NPAS3: variants seen among roughly 807,000 people sequenced by gnomAD.
NPAS3 encodes the protein neuronal PAS domain protein 3.
NPAS3 carries 14 observed loss-of-function variants against 73.1 expected under a neutral mutation model. That is an observed-to-expected ratio of 0.19 (90% CI 0.13 to 0.30). The LOEUF is 0.30. Among genes scored for constraint, NPAS3 ranks in the 10% least tolerant of loss-of-function variants. The pLI is 1.00. For synonymous variants in NPAS3, 620 were observed against 541.5 expected (o/e 1.14, Z -2.01); for missense variants, 1,096 against 1,250.0 (o/e 0.88, Z 1.86).
At chr14:33,419,483 A>G (rs761970241) in intron 4 of NPAS3, among the ~76,000 whole-genome samples, 49 of 151,986 alleles carry the variant, frequency 3.2e-4, no homozygotes, top group Middle Eastern at 3.4e-3. Flanking sequence ...ATCTTTATGT[A>G]GTTCTTCATG....
At chr14:33,294,809 G>A (rs1486147093) in intron 3 of NPAS3, among the ~76,000 whole-genome samples, 1 of 152,176 alleles carries the variant, frequency 6.6e-6, no homozygotes, top group Non-Finnish European at 1.5e-5. Context: ...GCCCAAACTG[G>A]AAAGTGAGGG....
At chr14:33,442,082 T>C (rs1272326372) in intron 4 of NPAS3, among the ~76,000 whole-genome samples, 1 of 152,234 alleles carries the variant, frequency 6.6e-6, no homozygotes, top group African/African-American at 2.4e-5. Context: ...GATTTCTCGA[T>C]GTACTACTTC....
At chr14:33,365,383 A>G (rs1298082654) in intron 3 of NPAS3, among the ~76,000 whole-genome samples, 1 of 152,148 alleles carries the variant, frequency 6.6e-6, no homozygotes, top group East Asian at 1.9e-4. Flanking sequence ...TAGGAAATTA[A>G]TCAGAAATGT....
intron 5 of NPAS3, among the ~76,000 whole-genome samples, chr14:33,618,921 A>G (rs930322390): frequency 1.3e-5 from 2 of 152,244 alleles, no homozygotes; most frequent in Non-Finnish European, 2.9e-5. Flanking sequence ...AAATGTAGAA[A>G]GAGAAGCAGT....
chr14:33,392,444 C>T (rs760841422), intron 4 of NPAS3, among the ~76,000 whole-genome samples: 24 of 152,188 alleles, frequency 1.6e-4, no homozygotes, highest in African/African-American at 4.8e-4. Context: ...CTAGGTCTGT[C>T]GGATGCCAGT....
intron 2 of NPAS3, among the ~76,000 whole-genome samples, chr14:33,056,812 A>G (rs534712626): frequency 9.8e-5 from 15 of 152,320 alleles, no homozygotes; most frequent in African/African-American, 3.6e-4. Context: ...ATTAACCTTT[A>G]ATTAAATTCT....
chr14:33,287,211 T>G (rs1056991157), intron 3 of NPAS3, among the ~76,000 whole-genome samples: 2 of 152,210 alleles, frequency 1.3e-5, no homozygotes, highest in African/African-American at 4.8e-5. Context: ...AGCTTTCTTC[T>G]TTTTATTGTA....
At chr14:33,222,546 G>T (rs1045084316) in intron 3 of NPAS3, among the ~76,000 whole-genome samples, 1 of 152,052 alleles carries the variant, frequency 6.6e-6, no homozygotes, top group Admixed American at 6.6e-5. Flanking sequence ...TTAGGGTATT[G>T]TTACATTATT....
chr14:33,304,828 TC>T (rs1386838554), intron 3 of NPAS3, among the ~76,000 whole-genome samples: 2 of 152,172 alleles, frequency 1.3e-5, no homozygotes, highest in African/African-American at 4.8e-5. Context: ...TAACAAATAT[TC>T]CAAGGGTTGG....
chr14:33,442,921 G>T (rs1191914336), intron 4 of NPAS3, among the ~76,000 whole-genome samples: 1 of 152,138 alleles, frequency 6.6e-6, no homozygotes, highest in African/African-American at 2.4e-5. Flanking sequence ...ACTTAAAGAG[G>T]TAAGGTTGAA....
At chr14:33,741,663 A>T (rs966356038) in intron 7 of NPAS3, among the ~76,000 whole-genome samples, 1 of 152,134 alleles carries the variant, frequency 6.6e-6, no homozygotes, top group African/African-American at 2.4e-5. Context: ...GGGATATGTC[A>T]TTTCTGCTGG....
intron 4 of NPAS3, among the ~76,000 whole-genome samples, chr14:33,438,305 G>T (rs1052547695): frequency 6.6e-6 from 1 of 152,194 alleles, no homozygotes; most frequent in East Asian, 1.9e-4. Flanking sequence ...ATAAAGTGCT[G>T]CATGTAAGCA....
At chr14:33,265,214 T>C (rs567717409) in intron 3 of NPAS3, among the ~76,000 whole-genome samples, 4 of 152,344 alleles carry the variant, frequency 2.6e-5, no homozygotes, top group South Asian at 4.1e-4. Context: ...AATCCCTAAC[T>C]GGGTACCAGA....
intron 2 of NPAS3, among the ~76,000 whole-genome samples, chr14:33,065,035 G>A (rs1302702350): frequency 2.0e-5 from 3 of 151,996 alleles, no homozygotes; most frequent in African/African-American, 7.3e-5. Context: ...TATTTTTCCT[G>A]GTGTTGAAAT....
intron 1 of NPAS3, among the ~76,000 whole-genome samples, chr14:32,972,277 G>A (rs549994014): frequency 6.6e-6 from 1 of 152,202 alleles, no homozygotes; most frequent in Non-Finnish European, 1.5e-5. Context: ...ATCCTGTGTA[G>A]TAAAACATTG....
At chr14:33,463,036 A>G (rs1490704212) in intron 4 of NPAS3, among the ~76,000 whole-genome samples, 1 of 152,096 alleles carries the variant, frequency 6.6e-6, no homozygotes, top group African/African-American at 2.4e-5. Context: ...TATATTTCTT[A>G]TTGAGCTCAC....
intron 4 of NPAS3, among the ~76,000 whole-genome samples, chr14:33,411,191 T>C (rs1202465081): frequency 6.6e-6 from 1 of 151,878 alleles, no homozygotes; most frequent in African/African-American, 2.4e-5. Flanking sequence ...TGTTTTTTCG[T>C]TGTTTTGTTG....
chr14:33,452,774 CAAAA>C (rs61640170), intron 4 of NPAS3, among the ~76,000 whole-genome samples: 7 of 53,838 alleles, frequency 1.3e-4, no homozygotes, highest in South Asian at 8.3e-4. Flanking sequence ...GACTCTGTCT[CAAAA>C]AAAAAAAAAA....
intron 5 of NPAS3, among the ~76,000 whole-genome samples, chr14:33,594,401 TGA>T (rs2057168644): frequency 6.6e-6 from 1 of 152,212 alleles, no homozygotes; most frequent in South Asian, 2.1e-4. Context: ...TGTGGTTGAA[TGA>T]ATATCTCAAT....
Sources: gnomAD v4.1 joint callset for allele counts (sites outside exome capture counted in the v4.1 genomes callset) on GRCh38, gnomAD v4.1.1 for gene constraint, MANE v1.5 for transcripts, NCBI Gene and HGNC (gene_info 2026-07-23, HGNC 2026-07-21) for gene names.